The following TRPM3 variants were observed in gnomAD, a reference collection of about 807,000 sequenced individuals.
TRPM3 encodes transient receptor potential cation channel subfamily M member 3, also known as long transient receptor potential channel 3.
In TRPM3, 77 loss-of-function variants were observed where a neutral mutation model predicts 181.2. The ratio of observed to expected loss-of-function variants is 0.42; its 90% CI spans 0.35 to 0.51. TRPM3 has a LOEUF of 0.51. TRPM3 is among the 20% of genes least tolerant of loss of function. The pLI is 0.01. For missense variants in TRPM3, 1,759 were observed against 2,196.7 expected, an observed-to-expected ratio of 0.80 and a Z score of 3.98; for synonymous variants, 745 against 796.4, an observed-to-expected ratio of 0.94 and a Z score of 1.09.
intron 1 of TRPM3, among the ~76,000 whole-genome samples, chr9:71,263,645 A>G (rs2083205845): frequency 6.6e-6 from 1 of 152,194 alleles, no homozygotes; most frequent in African/African-American, 2.4e-5. Flanking sequence ...AAGAGAAGTA[A>G]AGCTGTGTGT....
At chr9:70,903,912 T>C (rs920072168) in intron 1 of TRPM3, among the ~76,000 whole-genome samples, 1 of 152,152 alleles carries the variant, frequency 6.6e-6, no homozygotes, top group African/African-American at 2.4e-5. Context: ...GGATTTTAAA[T>C]TGTCAGATAA....
At chr9:71,161,172 T>C (rs534236637) in intron 1 of TRPM3, among the ~76,000 whole-genome samples, 1 of 152,290 alleles carries the variant, frequency 6.6e-6, no homozygotes, top group South Asian at 2.1e-4. Flanking sequence ...ACAGGTCTAA[T>C]TGTTTCTTTA....
At position 70,954,792 on chromosome 9, in the gene TRPM3, CG is replaced by C. The variant is rs906956571; in HGVS notation, c.178-90282del. 2.0e-5 allele frequency among the ~76,000 whole-genome samples: 3 copies of C among 149,978 alleles called. No individual in the cohort carries two copies. The Admixed American group carries it at 2.1e-4, about 10-fold the overall frequency. ...TCAACTGCACATCACCATACATCCT[CG>C]GGGAGAAGGCCGGGCCCTACGCTTC... On this transcript the variant is annotated intron_variant, in intron 1 of 25. Transcript: ENST00000677713.
chr9:71,374,391 A>G (rs1458426424), intron 1 of TRPM3, among the ~76,000 whole-genome samples: 10 of 152,036 alleles, frequency 6.6e-5, no homozygotes, highest in Admixed American at 5.2e-4. Flanking sequence ...AAACAAACAA[A>G]CAAAAAACAA....
chr9:70,799,906 C>T (rs1310655955), intron 6 of TRPM3, among the ~76,000 whole-genome samples: 2 of 152,198 alleles, frequency 1.3e-5, no homozygotes, highest in Non-Finnish European at 2.9e-5. Context: ...GCCTGACTCT[C>T]TAGCTCTCAG....
In TRPM3 at chr9:70,564,201, C is replaced by T. The variant is rs1209167004; in HGVS notation, c.3224-10891G>A. Among the ~76,000 whole-genome samples the T allele has an allele frequency of 4.6e-5, 7 of 152,114 alleles. No individual in the cohort carries two copies. The East Asian group carries it at 7.7e-4, about 17-fold the overall frequency. ...ACCTTCCTTTTGATATTTGCATATA[C>T]GAAATAGGATTAGATAAGTTCTTTC... On this transcript the variant is annotated intron_variant, in intron 22 of 25. Transcript: ENST00000677713.
intron 1 of TRPM3, among the ~76,000 whole-genome samples, chr9:71,100,343 T>C (rs771526990): frequency 9.9e-5 from 15 of 152,044 alleles, no homozygotes; most frequent in Non-Finnish European, 2.1e-4. Context: ...TAAGAAACCA[T>C]TGAAAAATTA....
chr9:71,304,223 G>T (rs1025349092), intron 1 of TRPM3, among the ~76,000 whole-genome samples: 2 of 152,186 alleles, frequency 1.3e-5, no homozygotes, highest in African/African-American at 4.8e-5. Context: ...TTGCAGTCAT[G>T]CTGAATTAAC....
At chr9:71,216,838 T>C (rs1178815899) in intron 1 of TRPM3, among the ~76,000 whole-genome samples, 7 of 151,174 alleles carry the variant, frequency 4.6e-5, no homozygotes, top group Non-Finnish European at 7.4e-5. Context: ...AAACAGCAAA[T>C]ACTTTCACAT....
At chr9:70,896,266 A>G (rs2096277385) in intron 1 of TRPM3, among the ~76,000 whole-genome samples, 1 of 152,164 alleles carries the variant, frequency 6.6e-6, no homozygotes, top group Non-Finnish European at 1.5e-5. Flanking sequence ...GTTCATTTCT[A>G]TCTTCTATCT....
chr9:71,014,201 T>C (rs1018488940), intron 1 of TRPM3, among the ~76,000 whole-genome samples: 2 of 152,038 alleles, frequency 1.3e-5, no homozygotes, highest in African/African-American at 4.8e-5. Context: ...GTGAGTTTTA[T>C]ATTTAAATTT....
chr9:70,788,504 T>C (rs145103636), intron 6 of TRPM3, among the ~76,000 whole-genome samples: 102 of 152,154 alleles, frequency 6.7e-4, no homozygotes, highest in African/African-American at 2.3e-3. Flanking sequence ...AGTGAAACAC[T>C]GTGTATAGCA....
At chr9:70,741,869 A>C (rs2074178498) in intron 8 of TRPM3, among the ~76,000 whole-genome samples, 1 of 152,128 alleles carries the variant, frequency 6.6e-6, no homozygotes, top group African/African-American at 2.4e-5. Context: ...CATTGGATAC[A>C]GTGTACACTG....
chr9:70,837,092 T>G (rs1419311872), intron 5 of TRPM3, among the ~76,000 whole-genome samples: 1 of 152,158 alleles, frequency 6.6e-6, no homozygotes, highest in Non-Finnish European at 1.5e-5. Context: ...TCCGACCTTT[T>G]CCTCACACAT....
chr9:71,035,734 T>A (rs542262765), intron 1 of TRPM3, among the ~76,000 whole-genome samples: 9 of 151,998 alleles, frequency 5.9e-5, no homozygotes, highest in East Asian at 3.9e-4. Flanking sequence ...AATAAATAAA[T>A]AAAATAAAAA....
At chr9:71,290,188 A>G (rs771809258) in intron 1 of TRPM3, among the ~76,000 whole-genome samples, 5 of 152,102 alleles carry the variant, frequency 3.3e-5, no homozygotes, top group Non-Finnish European at 5.9e-5. Context: ...TGATACGTGA[A>G]AAGGTAATGT....
chr9:70,572,516 C>T (rs989797614), intron 22 of TRPM3, among the ~76,000 whole-genome samples: 3 of 152,056 alleles, frequency 2.0e-5, no homozygotes, highest in Admixed American at 1.3e-4. Context: ...TCTTAGTTTC[C>T]TCCGGTTGTT....
intron 1 of TRPM3, among the ~76,000 whole-genome samples, chr9:70,881,188 A>T (rs574651605): frequency 6.6e-6 from 1 of 152,288 alleles, no homozygotes; most frequent in African/African-American, 2.4e-5. Flanking sequence ...TATGAGTATC[A>T]TGTGAGGACT....
In TRPM3 at chr9:70,760,450, G is replaced by A. The variant is rs529286496; in HGVS notation, c.1272+1151C>T. Among the ~76,000 whole-genome samples the A allele has an allele frequency of 4.7e-5, 7 of 147,988 alleles. No individual in the cohort carries two copies. The East Asian group carries it at 9.8e-4, about 21-fold the overall frequency. ...TCACATGTGGGTGGTACCTTCGTGC[G>A]TAGTAGAGTTCTCCTGGAATGACAG... On this transcript the variant is annotated intron_variant, in intron 8 of 25. Coordinates refer to ENST00000677713, the MANE Select transcript of TRPM3 (RefSeq NM_001366145.2).
Sources: allele counts gnomAD v4.1 joint callset (sites outside exome capture counted in the v4.1 genomes callset), GRCh38; gene constraint gnomAD v4.1.1; transcripts MANE v1.5; gene names NCBI Gene and HGNC (gene_info 2026-07-23, HGNC 2026-07-21).